Variants in DNAH5 observed in about 807,000 individuals in gnomAD.
DNAH5 encodes axonemal beta dynein heavy chain 5.
DNAH5 carries 372 observed loss-of-function variants against 518.2 expected under a neutral mutation model. The observed-to-expected ratio is 0.72, with a 90% CI of 0.66 to 0.78. DNAH5 has a LOEUF of 0.78. DNAH5 is among the 30% of genes least tolerant of loss of function. The probability of loss-of-function intolerance (pLI) is 0.00; values close to 1 mark genes in which losing one functional copy is unlikely to be tolerated. For synonymous variants in DNAH5, 2,039 were observed against 2,025.9 expected (o/e 1.01, Z -0.17); for missense variants, 5,523 against 5,687.0 (o/e 0.97, Z 0.93).
intron 11 of DNAH5, among the ~76,000 whole-genome samples, chr5:13,912,040 C>T (rs1009969152): frequency 2.0e-5 from 3 of 152,170 alleles, no homozygotes; most frequent in African/African-American, 7.2e-5. Flanking sequence ...TCCTACTGCC[C>T]TGCAAAGCTG....
chr5:13,798,844 G>A (rs369944771), intron 47 of DNAH5, among the ~76,000 whole-genome samples: 1 of 151,518 alleles, frequency 6.6e-6, no homozygotes. Flanking sequence ...TTGGCTAACT[G>A]CAGCCTTTGC....
intron 43 of DNAH5, 88 bp from the exon 44 acceptor site, chr5:13,811,911 G>A: frequency 1.8e-6 from 2 of 1,132,044 alleles, no homozygotes; most frequent in South Asian, 2.6e-5. Flanking sequence ...AAAAGTATCT[G>A]TTAATAATGA....
chr5:14,009,658 TG>T (rs1427116004), intron 1 of DNAH5, among the ~76,000 whole-genome samples: 2 of 152,230 alleles, frequency 1.3e-5, no homozygotes, highest in Non-Finnish European at 2.9e-5. Context: ...AGAGGAGGAC[TG>T]GGCCATAGGT....
At chr5:13,904,294 TAAAGG>T (rs1179680371) in intron 12 of DNAH5, among the ~76,000 whole-genome samples, 2 of 150,212 alleles carry the variant, frequency 1.3e-5, no homozygotes, top group Non-Finnish European at 3.0e-5. Flanking sequence ...AACTTGCAAT[TAAAGG>T]AAAGAGAGTC....
At chr5:13,802,005 A>T (rs1379062157) in intron 47 of DNAH5, among the ~76,000 whole-genome samples, 1 of 152,200 alleles carries the variant, frequency 6.6e-6, no homozygotes, top group Non-Finnish European at 1.5e-5. Flanking sequence ...ACATTGTGAA[A>T]TATTGATTTA....
At chr5:13,914,456 A>C in intron 10 of DNAH5, 64 bp downstream of exon 10, 1 of 1,541,060 alleles carries the variant, frequency 6.5e-7, no homozygotes, top group Non-Finnish European at 8.9e-7. Flanking sequence ...AAAATGATTT[A>C]AGATGGTCTC....
In DNAH5 at chr5:13,776,675, T is replaced by C; in HGVS notation, c.9137A>G (p.Asp3046Gly). The C allele has an allele frequency of 1.2e-6, 2 of 1,613,804 alleles. No individual in the cohort carries two copies. Among genetic ancestry groups the C allele is most frequent in the Non-Finnish European group, 1.7e-6 (2 of 1,179,806 alleles). Reference protein sequence around the residue: ...VSNLFARDEIDEINSDLASVM... With the variant: ...VSNLFARDEIGEINSDLASVM... ...TGATGCCAGGTCGCTATTAATTTCA[T>C]CAATTTCATCTCGAGCAAATAGGTT... Residue 3046 changes from aspartate (D) to glycine (G), a missense_variant, in exon 55 of 79, where the codon GAT (aspartate) becomes GGT (glycine). By Grantham distance (94) the Asp-to-Gly change is moderately conservative. Transcript: ENST00000265104.
At chr5:13,710,051 G>A (rs531905596) in intron 75 of DNAH5, among the ~76,000 whole-genome samples, 3 of 151,948 alleles carry the variant, frequency 2.0e-5, no homozygotes, top group African/African-American at 4.8e-5. Context: ...GAACCCTCAC[G>A]GAGTCCATTG....
chr5:13,774,550 T>C (rs1414249583), intron 55 of DNAH5, among the ~76,000 whole-genome samples: 4 of 152,150 alleles, frequency 2.6e-5, no homozygotes, highest in Non-Finnish European at 4.4e-5. Flanking sequence ...GAGTACAGAA[T>C]TCAGTCTGTC....
chr5:13,728,095 T>C (rs930149800), intron 69 of DNAH5, among the ~76,000 whole-genome samples: 6 of 152,192 alleles, frequency 3.9e-5, no homozygotes, highest in Non-Finnish European at 8.8e-5. Flanking sequence ...ATTTAACACA[T>C]GTTTATTATT....
At chr5:13,796,828 G>C (rs1304940085) in intron 47 of DNAH5, among the ~76,000 whole-genome samples, 1 of 152,144 alleles carries the variant, frequency 6.6e-6, no homozygotes, top group Admixed American at 6.6e-5. Flanking sequence ...AACCAAAACA[G>C]CATGGTACTG....
At chr5:13,865,535 T>G (rs1769118753) in intron 27 of DNAH5, 133 bp downstream of exon 27, 1 of 741,994 alleles carries the variant, frequency 1.3e-6, no homozygotes, top group South Asian at 1.4e-5. Flanking sequence ...ACAAGAGTGA[T>G]GTCAATGGAC....
chr5:13,859,316 C>T (rs1373253614), intron 30 of DNAH5, 136 bp downstream of exon 30: 1 of 909,830 alleles, frequency 1.1e-6, no homozygotes, highest in Non-Finnish European at 1.7e-6. Context: ...AGAATAACAG[C>T]ATTAACAGTG....
At chr5:13,837,139 C>A (rs1022115350) in intron 35 of DNAH5, among the ~76,000 whole-genome samples, 5 of 152,364 alleles carry the variant, frequency 3.3e-5, no homozygotes, top group Admixed American at 3.3e-4. Context: ...GTGAGACCCA[C>A]GTCAGACTTC....
At chr5:13,802,704 A>G (rs1361253492) in intron 47 of DNAH5, among the ~76,000 whole-genome samples, 1 of 152,210 alleles carries the variant, frequency 6.6e-6, no homozygotes. Context: ...TCTTAGGTAC[A>G]ACATTCACGC....
At chr5:13,722,060 TC>T (rs1579910939) in intron 70 of DNAH5, among the ~76,000 whole-genome samples, 1 of 152,132 alleles carries the variant, frequency 6.6e-6, no homozygotes, top group African/African-American at 2.4e-5. Context: ...CAAGTTTCTC[TC>T]CCCAGCAGCA....
At chr5:13,988,416 ATTT>A (rs34546274) in intron 1 of DNAH5, among the ~76,000 whole-genome samples, 25 of 148,156 alleles carry the variant, frequency 1.7e-4, no homozygotes, top group South Asian at 6.4e-4. Flanking sequence ...CAAAACACCA[ATTT>A]TTTTTTTTTT....
Position 13,962,397 on chromosome 5 carries a change from T to C in DNAH5, c.13-31153A>G, listed in dbSNP as rs560730785. ...GTTTCTCATAAAACATTCAATATGC[T>C]GCAATTTTAGCATTATAGTACACAT... On this transcript the variant is annotated intron_variant, in intron 1 of 78. Coordinates refer to the DNAH5 transcript ENST00000681290. 1.5e-3 allele frequency among the ~76,000 whole-genome samples: 235 copies of C among 152,348 alleles called. 2 individuals are homozygous for C. In the South Asian group the frequency reaches 0.018, roughly 12 times the overall value.
At chr5:13,912,495 T>C (rs975446312) in intron 11 of DNAH5, among the ~76,000 whole-genome samples, 1 of 151,724 alleles carries the variant, frequency 6.6e-6, no homozygotes, top group African/African-American at 2.4e-5. Flanking sequence ...ACACACACTA[T>C]ATATATGCAT....
Sources: gnomAD v4.1 joint callset for allele counts (sites outside exome capture counted in the v4.1 genomes callset) on GRCh38, gnomAD v4.1.1 for gene constraint, MANE v1.5 for transcripts, NCBI Gene and HGNC (gene_info 2026-07-23, HGNC 2026-07-21) for gene names.